The following GMPS variants were observed in gnomAD, a reference collection of about 807,000 sequenced individuals.
GMPS encodes GMP synthase [glutamine-hydrolyzing].
A neutral mutation model predicts 77.9 loss-of-function variants in GMPS; 15 were observed. The observed-to-expected ratio is 0.19, with a 90% CI of 0.13 to 0.30. The LOEUF (loss-of-function observed/expected upper bound fraction) is 0.30, where lower values mean the gene tolerates loss of function less well. Ranked by LOEUF, GMPS falls within the 10% of genes least tolerant of loss-of-function variation. The pLI is 1.00. For missense variants in GMPS, 590 were observed against 838.8 expected (o/e 0.70, Z 3.66); for synonymous variants, 224 against 275.9 (o/e 0.81, Z 1.86).
intron 3 of GMPS, among the ~76,000 whole-genome samples, chr3:155,901,891 G>C (rs963359372): frequency 2.0e-5 from 3 of 152,096 alleles, no homozygotes; most frequent in African/African-American, 7.2e-5. Context: ...CTTCTGGATT[G>C]TGACTTGTCT....
intron 1 of GMPS, among the ~76,000 whole-genome samples, chr3:155,875,778 A>T (rs963850710): frequency 3.9e-5 from 6 of 152,086 alleles, no homozygotes; most frequent in African/African-American, 1.4e-4. Flanking sequence ...GACGGTGGTT[A>T]AAAAAATTGC....
At chr3:155,889,423 A>C (rs1018705221) in intron 1 of GMPS, among the ~76,000 whole-genome samples, 1 of 152,176 alleles carries the variant, frequency 6.6e-6, no homozygotes, top group South Asian at 2.1e-4. Flanking sequence ...GGTGTGGGCA[A>C]ACCTCCTCCT....
chr3:155,928,583 T>C (rs1755515189), intron 12 of GMPS, among the ~76,000 whole-genome samples: 1 of 151,710 alleles, frequency 6.6e-6, no homozygotes, highest in Non-Finnish European at 1.5e-5. Flanking sequence ...ATGTGCACAT[T>C]GTGCAGGTTA....
intron 8 of GMPS, 145 bp downstream of exon 8, chr3:155,914,715 C>T: frequency 2.0e-6 from 1 of 504,436 alleles, no homozygotes. Flanking sequence ...TGTATATTGT[C>T]ATTATATTGA....
upstream of GMPS, among the ~76,000 whole-genome samples, chr3:155,869,743 A>G (rs1267934297): frequency 6.6e-6 from 1 of 152,190 alleles, no homozygotes; most frequent in Non-Finnish European, 1.5e-5. Context: ...CTGGCTCCTT[A>G]ATACCCTAGC....
chr3:155,888,588 ATT>A (rs1007994217), intron 1 of GMPS, among the ~76,000 whole-genome samples: 11 of 137,544 alleles, frequency 8.0e-5, no homozygotes, highest in Non-Finnish European at 7.9e-5. Context: ...CTCCCAGCTA[ATT>A]TTTTTTTTTT....
rs539778086 is a variant in GMPS at position 155,910,518 on chromosome 3, G to A, written c.527-174G>A. Among the ~76,000 whole-genome samples the A allele has an allele frequency of 4.0e-3, 551 of 139,126 alleles. 3 individuals carry two copies. The highest frequency in any genetic ancestry group is 6.3e-3 in the Non-Finnish European group (415 of 66,224). The allele number at this position is 139,126 out of a possible 152,430, so 91.3% of individuals were successfully genotyped here. A position where few individuals can be genotyped will look rare whatever the true frequency, so the allele number is the denominator to read the frequency against. On this transcript the variant is annotated intron_variant, in intron 5 of 15. Coordinates refer to ENST00000496455, the MANE Select transcript of GMPS (RefSeq NM_003875.3). ...CAGGAGGCAGAGGTTGCAGTGAGCCGAGATCATGCCACTGCACTCCAGCCT... is the reference window on the plus strand; with the variant it reads ...CAGGAGGCAGAGGTTGCAGTGAGCCAAGATCATGCCACTGCACTCCAGCCT...
intron 5 of GMPS, among the ~76,000 whole-genome samples, chr3:155,909,461 T>C (rs1433965782): frequency 1.3e-5 from 2 of 152,168 alleles, no homozygotes; most frequent in Non-Finnish European, 2.9e-5. Context: ...GCAACTGAAG[T>C]AACTTGGGTG....
At chr3:155,880,018 G>A (rs1334477487) in intron 1 of GMPS, among the ~76,000 whole-genome samples, 1 of 151,132 alleles carries the variant, frequency 6.6e-6, no homozygotes, top group African/African-American at 2.4e-5. Context: ...CTGCCATTCT[G>A]TAGATTATCT....
intron 1 of GMPS, 59 bp downstream of exon 1, chr3:155,870,956 G>A (rs1050089526): frequency 1.9e-5 from 26 of 1,393,456 alleles, no homozygotes; most frequent in Non-Finnish European, 2.3e-5. Context: ...CCCGGACCGG[G>A]GAGCCACCCC....
intron 1 of GMPS, among the ~76,000 whole-genome samples, chr3:155,883,044 G>C (rs1038366783): frequency 6.6e-6 from 1 of 152,100 alleles, no homozygotes; most frequent in Non-Finnish European, 1.5e-5. Flanking sequence ...TTGTGAAATT[G>C]TGACACTCTA....
rs1288857220 is a variant in GMPS at position 155,919,215 on chromosome 3, C to G, written c.1213-18C>G. 1 of 1,179,704 alleles carries G rather than the reference C, an allele frequency of 8.5e-7. No homozygotes were observed. The highest frequency in any genetic ancestry group is 1.3e-5 in the South Asian group (1 of 75,172). 73.1% of individuals were successfully genotyped at this position (1,179,704 alleles called of 1,614,324 possible). A position where few individuals can be genotyped will look rare whatever the true frequency, so the allele number is the denominator to read the frequency against. On this transcript the variant is annotated intron_variant, in intron 9 of 15. Coordinates refer to ENST00000496455, the MANE Select transcript of GMPS (RefSeq NM_003875.3). Reference sequence around the variant, plus strand: ...TTGGTTACTAGTTTATATTGGTTGGCTTCTTTCCTCCCTGTAGGGAAAAGT... The same window carrying G: ...TTGGTTACTAGTTTATATTGGTTGGGTTCTTTCCTCCCTGTAGGGAAAAGT...
At chr3:155,917,065 C>T (rs966864368) in intron 9 of GMPS, among the ~76,000 whole-genome samples, 1 of 151,874 alleles carries the variant, frequency 6.6e-6, no homozygotes, top group Non-Finnish European at 1.5e-5. Context: ...ACCTCTGCCT[C>T]CCGGTTCAAG....
At chr3:155,937,440 C>CAT in intron 15 of GMPS, 151 bp from the exon 16 acceptor site, 1 of 590,962 alleles carries the variant, frequency 1.7e-6, no homozygotes, top group South Asian at 2.3e-5. Context: ...GGAATAGGTT[C>CAT]ATTATATAAG....
intron 2 of GMPS, among the ~76,000 whole-genome samples, chr3:155,894,051 T>G (rs141393699): frequency 1.6e-4 from 24 of 152,274 alleles, no homozygotes; most frequent in African/African-American, 5.8e-4. Flanking sequence ...AGAGAAGAAA[T>G]CTGTGTACAA....
rs780866991 is a variant in GMPS at position 155,898,028 on chromosome 3, G to T, written c.311G>T (p.Cys104Phe). 6.4e-7 allele frequency: 1 copy of T among 1,574,436 alleles called. No homozygotes were observed. Among genetic ancestry groups the T allele is most frequent in the Non-Finnish European group, 8.7e-7 (1 of 1,144,014 alleles). ...FTIGKPVLGI[C>F]YGMQMMNKVF... ...ATTGGCAAGCCTGTTCTTGGAATTT[G>T]CTATGGTATGCAGGTATGTCAGCAA... The change falls in exon 3 of 16, where the codon TGC (cysteine) becomes TTC (phenylalanine). Residue 104 changes from cysteine to phenylalanine, a missense_variant. Around this residue, in one of 6 missense-constraint regions of GMPS, gnomAD observed 136 missense variants for 225.6 expected, o/e 0.60. Transcript: ENST00000496455.
Position 155,928,548 on chromosome 3 carries a change from T to TA in GMPS, c.1560+3183dup, listed in dbSNP as rs937366103. Among the ~76,000 whole-genome samples the TA allele has an allele frequency of 7.9e-5, 12 of 151,828 alleles. No individual in the cohort carries two copies. In the South Asian group the frequency reaches 1.0e-3, roughly 13 times the overall value. On this transcript the variant is annotated intron_variant, in intron 12 of 15. Transcript: ENST00000496455. Reference sequence around the variant, plus strand: ...TATTTTAAAATTAACTTTTTTTTTTTATTATACTTTAAGTTTTAGGGTACA... The same window carrying TA: ...TATTTTAAAATTAACTTTTTTTTTTTAATTATACTTTAAGTTTTAGGGTACA...
intron 1 of GMPS, among the ~76,000 whole-genome samples, chr3:155,872,996 A>G (rs62286795): frequency 0.055 from 8,301 of 152,298 alleles, 319 homozygotes; most frequent in East Asian, 0.18. Context: ...TAAGAGGCCC[A>G]CCTGGAAATA....
intron 4 of GMPS, among the ~76,000 whole-genome samples, chr3:155,905,681 T>A (rs1754861081): frequency 6.7e-6 from 1 of 150,168 alleles, no homozygotes; most frequent in South Asian, 2.2e-4. Context: ...AAATGTTGAT[T>A]ACTAATTATT....
Sources: gnomAD v4.1 joint callset for allele counts (sites outside exome capture counted in the v4.1 genomes callset) on GRCh38, gnomAD v4.1.1 for gene constraint, gnomAD v4.1.1 regional missense constraint, MANE v1.5 for transcripts, NCBI Gene and HGNC (gene_info 2026-07-23, HGNC 2026-07-21) for gene names.